The following DCT variants were observed in gnomAD, a reference collection of about 807,000 sequenced individuals.
DCT encodes L-dopachrome tautomerase.
DCT carries 47 observed loss-of-function variants against 53.0 expected under a neutral mutation model. That is an observed-to-expected ratio of 0.89 (90% CI 0.70 to 1.13). The LOEUF (loss-of-function observed/expected upper bound fraction) is 1.13. Ranked by LOEUF, DCT falls within the 50% of genes most tolerant of loss-of-function variation. DCT has a pLI of 0.00. For synonymous variants in DCT, 244 were observed against 237.0 expected, an observed-to-expected ratio of 1.03 and a Z score of -0.27; for missense variants, 669 against 637.4, an observed-to-expected ratio of 1.05 and a Z score of -0.53.
chr13:94,547,542 C>T, the DCT span, among the ~76,000 whole-genome samples: 10 of 152,192 alleles, frequency 6.6e-5, no homozygotes, highest in Middle Eastern at 3.4e-3. Flanking sequence ...GCTGCAGACC[C>T]GCATAGATTC....
At chr13:94,513,087 G>T in the DCT span, among the ~76,000 whole-genome samples, 33 of 152,214 alleles carry the variant, frequency 2.2e-4, no homozygotes, top group Admixed American at 2.2e-3. Flanking sequence ...AAGACACAAA[G>T]GGCTGGTTTC....
At chr13:94,531,361 G>A in the DCT span, among the ~76,000 whole-genome samples, 2 of 152,260 alleles carry the variant, frequency 1.3e-5, no homozygotes, top group African/African-American at 4.8e-5. Flanking sequence ...GAACAAAGCT[G>A]GAGGCATCAG....
At chr13:94,468,294 C>A in intron 2 of DCT, 1 of 164,888 alleles carries the variant, frequency 6.1e-6, no homozygotes, top group Non-Finnish European at 1.3e-5. Context: ...AACAAGATGC[C>A]CACTCCCAAC....
the DCT span, among the ~76,000 whole-genome samples, chr13:94,498,196 C>T: frequency 6.6e-6 from 1 of 152,124 alleles, no homozygotes; most frequent in Non-Finnish European, 1.5e-5. Context: ...AGATGAAGCC[C>T]CCTGGCTACT....
the DCT span, among the ~76,000 whole-genome samples, chr13:94,511,192 G>A: frequency 2.3e-4 from 35 of 152,128 alleles, no homozygotes; most frequent in African/African-American, 7.2e-4. Context: ...CTGTCTCTCC[G>A]CCATTCCCAC....
At chr13:94,447,435 G>A (rs1426782014) in intron 6 of DCT, among the ~76,000 whole-genome samples, 2 of 152,208 alleles carry the variant, frequency 1.3e-5, no homozygotes, top group Non-Finnish European at 2.9e-5. Context: ...ACAGGAGGCG[G>A]AGCTCAAGTG....
chr13:94,447,266 TG>T (rs1882794288), intron 6 of DCT, among the ~76,000 whole-genome samples: 1 of 152,090 alleles, frequency 6.6e-6, no homozygotes, highest in Non-Finnish European at 1.5e-5. Flanking sequence ...GACCAGGGGG[TG>T]GTGGATGGGA....
At chr13:94,446,094 C>T (rs914739079) in intron 6 of DCT, among the ~76,000 whole-genome samples, 5 of 152,074 alleles carry the variant, frequency 3.3e-5, no homozygotes, top group South Asian at 4.2e-4. Flanking sequence ...GGTGGTGAAA[C>T]GGGGATAGTG....
the DCT span, among the ~76,000 whole-genome samples, chr13:94,542,649 T>C: frequency 6.6e-6 from 1 of 152,216 alleles, no homozygotes; most frequent in African/African-American, 2.4e-5. Flanking sequence ...CAATCGAAGT[T>C]CTCCGATTTT....
upstream of DCT, among the ~76,000 whole-genome samples, chr13:94,481,378 AG>A (rs35572193): frequency 0.14 from 21,514 of 152,170 alleles, 1,832 homozygotes; most frequent in Non-Finnish European, 0.2. Context: ...GCAAAATCTC[AG>A]GGGTTTTTGA....
intron 1 of DCT, among the ~76,000 whole-genome samples, chr13:94,477,326 C>T (rs1202448668): frequency 1.3e-5 from 2 of 152,108 alleles, no homozygotes; most frequent in Non-Finnish European, 2.9e-5. Flanking sequence ...AAACTCCTGA[C>T]CTCAAAGTGA....
intron 6 of DCT, chr13:94,445,740 T>C: frequency 6.3e-7 from 1 of 1,587,340 alleles, no homozygotes; most frequent in African/African-American, 1.3e-5. Flanking sequence ...GGGAAGGGAG[T>C]TCCTTGGTCG....
At chr13:94,485,068 C>T in the DCT span, among the ~76,000 whole-genome samples, 1 of 138,004 alleles carries the variant, frequency 7.2e-6, no homozygotes, top group East Asian at 2.3e-4. Flanking sequence ...TGTCAAGGTC[C>T]ATGGCAGGAC....
chr13:94,522,602 G>A, the DCT span, among the ~76,000 whole-genome samples: 1 of 152,124 alleles, frequency 6.6e-6, no homozygotes, highest in Non-Finnish European at 1.5e-5. Context: ...GATTAATTGT[G>A]AATTCGATGC....
the DCT span, among the ~76,000 whole-genome samples, chr13:94,487,594 G>T: frequency 6.6e-6 from 1 of 152,200 alleles, no homozygotes; most frequent in Non-Finnish European, 1.5e-5. Context: ...GAAGAGAAAG[G>T]TAGATGTGTT....
chr13:94,509,481 A>G, the DCT span, among the ~76,000 whole-genome samples: 1 of 151,948 alleles, frequency 6.6e-6, no homozygotes, highest in Non-Finnish European at 1.5e-5. Context: ...AGTAAAATAA[A>G]AGAAGTAAAG....
chr13:94,437,498 T>G lies in DCT; in HGVS notation c.*2400A>C, dbSNP rs1169520054. The G allele has an allele frequency of 6.6e-6, 1 of 152,212 alleles. No individual in the cohort carries two copies. Among genetic ancestry groups the G allele is most frequent in the African/African-American group, 2.4e-5 (1 of 41,470 alleles). The allele number at this position is 152,212 out of a possible 1,614,324, so 9.4% of individuals were successfully genotyped here. On this transcript the variant is annotated 3_prime_UTR_variant, in exon 8 of 8. Transcript: ENST00000377028. ...AGATGTTATTGCATTTTATCCCATT[T>G]CTGAATGTTAGCTTTATAAAAAGCA...
chr13:94,505,734 T>C, the DCT span, among the ~76,000 whole-genome samples: 2 of 152,248 alleles, frequency 1.3e-5, no homozygotes, highest in Admixed American at 6.5e-5. Context: ...TTGGTTTCCA[T>C]CTTGCTAGCC....
chr13:94,542,191 T>C, the DCT span, among the ~76,000 whole-genome samples: 2 of 152,264 alleles, frequency 1.3e-5, no homozygotes, highest in South Asian at 2.1e-4. Flanking sequence ...TTCTCAGGCA[T>C]TGCATCTCTT....
Sources: gnomAD v4.1 joint callset for allele counts (sites outside exome capture counted in the v4.1 genomes callset) on GRCh38, gnomAD v4.1.1 for gene constraint, MANE v1.5 for transcripts, NCBI Gene and HGNC (gene_info 2026-07-23, HGNC 2026-07-21) for gene names.